The following TET1 variants were observed in gnomAD, a reference collection of about 807,000 sequenced individuals.
The protein encoded by TET1 is tet methylcytosine dioxygenase 1, also known as methylcytosine dioxygenase TET1.
A neutral mutation model predicts 148.7 loss-of-function variants in TET1; 13 were observed. The ratio of observed to expected loss-of-function variants is 0.09; its 90% CI spans 0.06 to 0.14. The LOEUF is 0.14. TET1 is among the 10% of genes least tolerant of loss of function. The probability of loss-of-function intolerance (pLI) is 1.00; values close to 1 mark genes in which losing one functional copy is unlikely to be tolerated. For missense variants in TET1, 2,182 were observed against 2,553.8 expected, an observed-to-expected ratio of 0.85 and a Z score of 3.14; for synonymous variants, 907 against 937.2, an observed-to-expected ratio of 0.97 and a Z score of 0.59.
At chr10:68,681,376 T>G in intron 8 of TET1, 23 bp from the exon 9 acceptor site, 2 of 1,517,452 alleles carry the variant, frequency 1.3e-6, no homozygotes, top group Non-Finnish European at 1.8e-6. Flanking sequence ...ATAAAATACC[T>G]AATGGATTCT....
intron 3 of TET1, among the ~76,000 whole-genome samples, chr10:68,624,644 CTTTCTT>C (rs1229574420): frequency 7.8e-5 from 4 of 51,446 alleles, no homozygotes; most frequent in Admixed American, 7.0e-4. Context: ...TTCTTTCTTT[CTTTCTT>C]TCTTTCTTTC....
intron 10 of TET1, among the ~76,000 whole-genome samples, chr10:68,684,277 A>G (rs1186153965): frequency 1.3e-5 from 2 of 151,946 alleles, no homozygotes; most frequent in African/African-American, 4.8e-5. Flanking sequence ...AGCCTCTTAC[A>G]GTGTGATTGA....
At chr10:68,636,137 T>A (rs1170115490) in intron 3 of TET1, among the ~76,000 whole-genome samples, 1 of 152,074 alleles carries the variant, frequency 6.6e-6, no homozygotes, top group Non-Finnish European at 1.5e-5. Context: ...CTTAGAAGGT[T>A]TTTCCTCCTT....
chr10:68,683,704 G>C (rs140404286), intron 10 of TET1, among the ~76,000 whole-genome samples: 1 of 152,182 alleles, frequency 6.6e-6, no homozygotes, highest in Non-Finnish European at 1.5e-5. Flanking sequence ...GAGCCAACGC[G>C]CTCGGCCAAT....
intron 8 of TET1, among the ~76,000 whole-genome samples, chr10:68,677,988 A>G (rs1305373181): frequency 2.0e-5 from 3 of 151,412 alleles, no homozygotes; most frequent in Admixed American, 6.6e-5. Context: ...ACCCAGGCAG[A>G]GTGAGGAGGG....
At chr10:68,652,395 C>T (rs1250173298) in intron 5 of TET1, 106 bp from the exon 6 acceptor site, 2 of 674,850 alleles carry the variant, frequency 3.0e-6, no homozygotes, top group Non-Finnish European at 4.6e-6. Flanking sequence ...AATTTTTGAA[C>T]TTCTGTACAT....
intron 11 of TET1, among the ~76,000 whole-genome samples, chr10:68,689,429 G>A (rs1263971806): frequency 6.6e-6 from 1 of 152,150 alleles, no homozygotes; most frequent in Non-Finnish European, 1.5e-5. Flanking sequence ...GGGGCTAGGC[G>A]TGGTGGCTCA....
chr10:68,595,818 A>G (rs1029359131), intron 2 of TET1, among the ~76,000 whole-genome samples: 1 of 143,814 alleles, frequency 7.0e-6, no homozygotes, highest in African/African-American at 2.6e-5. Context: ...GGGTTTCATC[A>G]TGTTGGTCAG....
intron 1 of TET1, among the ~76,000 whole-genome samples, chr10:68,568,504 G>C (rs1205048614): frequency 6.6e-6 from 1 of 151,998 alleles, no homozygotes; most frequent in African/African-American, 2.4e-5. Flanking sequence ...GCCTCCCAAA[G>C]TGCTAGGATT....
At chr10:68,673,742 TA>T (rs2055306151) in intron 8 of TET1, among the ~76,000 whole-genome samples, 1 of 151,678 alleles carries the variant, frequency 6.6e-6, no homozygotes, top group Admixed American at 6.6e-5. Context: ...TGACCAAGAG[TA>T]AAAAACATTT....
At chr10:68,683,707 C>T (rs768621069) in intron 10 of TET1, among the ~76,000 whole-genome samples, 13 of 152,150 alleles carry the variant, frequency 8.5e-5, no homozygotes, top group Non-Finnish European at 1.6e-4. Flanking sequence ...CCAACGCGCT[C>T]GGCCAATTTT....
intron 8 of TET1, among the ~76,000 whole-genome samples, chr10:68,679,750 T>G (rs2055411467): frequency 6.6e-6 from 1 of 152,074 alleles, no homozygotes; most frequent in South Asian, 2.1e-4. Flanking sequence ...CTCAGCTCAC[T>G]GCAATCTTCA....
At chr10:68,686,912 G>T (rs2055520022) in intron 11 of TET1, among the ~76,000 whole-genome samples, 1 of 150,590 alleles carries the variant, frequency 6.6e-6, no homozygotes, top group South Asian at 2.1e-4. Context: ...TTTTGAGAGG[G>T]AGTCTTGCTC....
In TET1 at chr10:68,568,420, A is replaced by G. The variant is rs184663505; in HGVS notation, c.-122-3797A>G. Among the ~76,000 whole-genome samples the G allele has an allele frequency of 1.7e-3, 252 of 151,162 alleles. 3 individuals are homozygous for G. The highest frequency in any genetic ancestry group is 0.014 in the Admixed American group (218 of 15,148). ...GTATTTTTAGTAGAGACAGGGTTTCACCATGTTGGCCAGGCTGGTCTCGAA... is the reference window on the plus strand; with the variant it reads ...GTATTTTTAGTAGAGACAGGGTTTCGCCATGTTGGCCAGGCTGGTCTCGAA... On this transcript the variant is annotated intron_variant, in intron 1 of 11. Transcript: ENST00000373644.
intron 1 of TET1, among the ~76,000 whole-genome samples, chr10:68,566,636 T>G (rs1234746498): frequency 1.3e-5 from 2 of 152,162 alleles, no homozygotes; most frequent in African/African-American, 4.8e-5. Context: ...ATGTCTATTT[T>G]AAAAGTCTTA....
chr10:68,634,861 A>G (rs1284499342), intron 3 of TET1, among the ~76,000 whole-genome samples: 1 of 152,092 alleles, frequency 6.6e-6, no homozygotes, highest in Non-Finnish European at 1.5e-5. Flanking sequence ...TCCCAGGTTC[A>G]AGCAATTCTC....
intron 3 of TET1, among the ~76,000 whole-genome samples, chr10:68,606,987 G>C (rs1332974325): frequency 3.9e-5 from 6 of 151,940 alleles, no homozygotes; most frequent in Non-Finnish European, 8.8e-5. Flanking sequence ...TGGATTTCAG[G>C]GCTGAGTTCT....
intron 1 of TET1, among the ~76,000 whole-genome samples, chr10:68,571,923 C>T (rs1280889598): frequency 6.6e-6 from 1 of 152,072 alleles, no homozygotes; most frequent in African/African-American, 2.4e-5. Flanking sequence ...TAGAGACCAG[C>T]CAGGGCAACA....
Position 68,652,135 on chromosome 10 carries a change from A to C in TET1, c.4367+199A>C, listed in dbSNP as rs143468155. Among the ~76,000 whole-genome samples, 26 of 152,320 alleles carry C rather than the reference A, an allele frequency of 1.7e-4. No individual in the cohort carries two copies. In the East Asian group the frequency reaches 5.0e-3, roughly 29 times the overall value. Reference sequence around the variant, plus strand: ...TCATACAAGCTGTTGGGCACATAAAAGCACCCACAAAGCAAGACTAGTTGT... The same window carrying C: ...TCATACAAGCTGTTGGGCACATAAACGCACCCACAAAGCAAGACTAGTTGT... On this transcript the variant is annotated intron_variant, in intron 5 of 11. Transcript: ENST00000373644.
Sources: gnomAD v4.1 joint callset for allele counts (sites outside exome capture counted in the v4.1 genomes callset) on GRCh38, gnomAD v4.1.1 for gene constraint, MANE v1.5 for transcripts, NCBI Gene and HGNC (gene_info 2026-07-23, HGNC 2026-07-21) for gene names.